GALNTL6: variants seen among roughly 807,000 people sequenced by gnomAD.
The protein encoded by GALNTL6 is polypeptide N-acetylgalactosaminyltransferase like 6.
GALNTL6 carries 46 observed loss-of-function variants against 73.7 expected under a neutral mutation model. That is an observed-to-expected ratio of 0.62 (90% CI 0.49 to 0.80). The LOEUF (loss-of-function observed/expected upper bound fraction) is 0.80, where lower values mean the gene tolerates loss of function less well. GALNTL6 is among the 30% of genes least tolerant of loss of function. The pLI, the probability that GALNTL6 is intolerant of heterozygous loss-of-function variation, is 0.00. For synonymous variants in GALNTL6, 259 were observed against 263.7 expected (o/e 0.98, Z 0.17); for missense variants, 604 against 755.0 (o/e 0.80, Z 2.34).
intron 5 of GALNTL6, chr4:172,380,537 A>G (rs747962691): frequency 1.4e-5 from 5 of 366,082 alleles, no homozygotes; most frequent in Admixed American, 3.6e-5. Flanking sequence ...TAGTTTATAT[A>G]TCCTTGTTTT....
At chr4:172,291,245 G>A (rs1207056665) in intron 3 of GALNTL6, among the ~76,000 whole-genome samples, 1 of 151,950 alleles carries the variant, frequency 6.6e-6, no homozygotes, top group Non-Finnish European at 1.5e-5. Context: ...TATTGTAAAA[G>A]TCTAACAATA....
At chr4:172,532,164 G>A (rs997730233) in intron 5 of GALNTL6, among the ~76,000 whole-genome samples, 1 of 152,154 alleles carries the variant, frequency 6.6e-6, no homozygotes, top group African/African-American at 2.4e-5. Context: ...CCCAGTACTC[G>A]TGAATGTAAC....
rs147189816 is a variant in GALNTL6 at position 172,379,141 on chromosome 4, G to C, written c.553+30452G>C. Among the ~76,000 whole-genome samples, 617 of 152,316 alleles carry C rather than the reference G, an allele frequency of 4.1e-3. 2 individuals are homozygous for C. Among genetic ancestry groups the C allele is most frequent in the African/African-American group, 0.014 (574 of 41,562 alleles). ...TCACAGTGTTATTATTGAGAGCTGT[G>C]ATGTTTGTTTAATGTTCCCATTCTG... On this transcript the variant is annotated intron_variant, in intron 5 of 12. Transcript: ENST00000506823.
chr4:171,991,021 C>G (rs1218924352), intron 2 of GALNTL6, among the ~76,000 whole-genome samples: 1 of 151,862 alleles, frequency 6.6e-6, no homozygotes, highest in Non-Finnish European at 1.5e-5. Context: ...TGTAGAAAAC[C>G]AAAGAAGTTC....
intron 7 of GALNTL6, among the ~76,000 whole-genome samples, chr4:172,875,101 C>G (rs1467443265): frequency 1.3e-5 from 2 of 152,174 alleles, no homozygotes; most frequent in African/African-American, 4.8e-5. Flanking sequence ...CCTGGGGACT[C>G]TCAGAAAACC....
intron 2 of GALNTL6, among the ~76,000 whole-genome samples, chr4:172,162,766 G>C (rs769873502): frequency 6.6e-6 from 1 of 152,006 alleles, no homozygotes; most frequent in African/African-American, 2.4e-5. Context: ...AAGTACATCA[G>C]CTTTTCAGAC....
intron 11 of GALNTL6, among the ~76,000 whole-genome samples, chr4:173,011,529 TG>T (rs1159899130): frequency 6.6e-6 from 1 of 152,354 alleles, no homozygotes; most frequent in East Asian, 1.9e-4. Context: ...ATTTGATTTT[TG>T]TACATGACAA....
At chr4:172,439,402 G>A (rs336005) in intron 5 of GALNTL6, among the ~76,000 whole-genome samples, 130,448 of 151,874 alleles carry the variant, frequency 0.86, 56,075 homozygotes, top group South Asian at 0.89. Flanking sequence ...CTAGGAACAC[G>A]TTTTTCAGTT....
At chr4:172,647,361 C>T (rs1342124038) in intron 5 of GALNTL6, among the ~76,000 whole-genome samples, 4 of 152,130 alleles carry the variant, frequency 2.6e-5, no homozygotes, top group South Asian at 4.2e-4. Context: ...TATTATATCA[C>T]GTAGAATGAA....
At chr4:172,182,639 C>A (rs1735288623) in intron 2 of GALNTL6, among the ~76,000 whole-genome samples, 1 of 149,398 alleles carries the variant, frequency 6.7e-6, no homozygotes. Context: ...TCAAGTAGAC[C>A]AAAGCAATCA....
intron 5 of GALNTL6, among the ~76,000 whole-genome samples, chr4:172,474,358 A>C (rs1733159430): frequency 6.6e-6 from 1 of 152,128 alleles, no homozygotes; most frequent in African/African-American, 2.4e-5. Flanking sequence ...ATAATAATTT[A>C]ATCTACTATA....
At chr4:172,391,584 G>A (rs1743666072) in intron 5 of GALNTL6, among the ~76,000 whole-genome samples, 1 of 152,114 alleles carries the variant, frequency 6.6e-6, no homozygotes, top group Non-Finnish European at 1.5e-5. Context: ...CTTAAAGGCA[G>A]GCCCCTGTTA....
At chr4:172,110,294 A>G (rs1560927286) in intron 2 of GALNTL6, among the ~76,000 whole-genome samples, 1 of 152,196 alleles carries the variant, frequency 6.6e-6, no homozygotes, top group Admixed American at 6.5e-5. Flanking sequence ...TGTTCTCAAC[A>G]GCTGATCATA....
At chr4:172,863,347 C>T (rs1048870313) in intron 7 of GALNTL6, among the ~76,000 whole-genome samples, 9 of 152,178 alleles carry the variant, frequency 5.9e-5, no homozygotes, top group East Asian at 1.9e-4. Flanking sequence ...AGGCACTCAA[C>T]GCCAGCCTGA....
At chr4:172,493,968 A>T (rs1434734535) in intron 5 of GALNTL6, among the ~76,000 whole-genome samples, 1 of 151,998 alleles carries the variant, frequency 6.6e-6, no homozygotes, top group Non-Finnish European at 1.5e-5. Context: ...TCTCCCTCCA[A>T]AATTCTTCCC....
chr4:172,128,226 C>G (rs1425932083), intron 2 of GALNTL6, among the ~76,000 whole-genome samples: 2 of 152,158 alleles, frequency 1.3e-5, no homozygotes, highest in Non-Finnish European at 2.9e-5. Flanking sequence ...AAAGATGCTT[C>G]AGTCATGGAA....
intron 5 of GALNTL6, among the ~76,000 whole-genome samples, chr4:172,654,434 A>T (rs2111160442): frequency 6.6e-6 from 1 of 152,260 alleles, no homozygotes; most frequent in Admixed American, 6.5e-5. Context: ...GCCCCAGCTG[A>T]TCTATTTAAT....
intron 5 of GALNTL6, among the ~76,000 whole-genome samples, chr4:172,429,969 A>T (rs1245323367): frequency 6.6e-6 from 1 of 152,126 alleles, no homozygotes; most frequent in Non-Finnish European, 1.5e-5. Context: ...AGTTTTCTCA[A>T]TAAGTGAGGT....
At chr4:173,037,227 C>G (rs889242688) in intron 12 of GALNTL6, among the ~76,000 whole-genome samples, 4 of 152,184 alleles carry the variant, frequency 2.6e-5, no homozygotes, top group Non-Finnish European at 4.4e-5. Flanking sequence ...TGGATGGTCT[C>G]TAGTTTGACA....
Sources: allele counts gnomAD v4.1 joint callset (sites outside exome capture counted in the v4.1 genomes callset), GRCh38; gene constraint gnomAD v4.1.1; transcripts MANE v1.5; gene names NCBI Gene and HGNC (gene_info 2026-07-23, HGNC 2026-07-21).